LRRC2: variants seen among roughly 807,000 people sequenced by gnomAD.
LRRC2 encodes leucine-rich repeat-containing protein 2.
Under a neutral mutation model 40.2 loss-of-function variants are expected in LRRC2, and 27 were observed. The ratio of observed to expected loss-of-function variants is 0.67; its 90% confidence interval spans 0.49 to 0.93. LRRC2 has a LOEUF of 0.93. Ranked by LOEUF, LRRC2 falls within the 40% of genes least tolerant of loss-of-function variation. LRRC2 has a pLI of 0.00. For synonymous variants in LRRC2, 147 were observed against 158.9 expected (o/e 0.92, Z 0.56); for missense variants, 402 against 439.6 (o/e 0.91, Z 0.76).
chr3:46,528,181 T>G (rs1000498215), intron 6 of LRRC2, among the ~76,000 whole-genome samples: 3 of 152,212 alleles, frequency 2.0e-5, no homozygotes, highest in Non-Finnish European at 4.4e-5. Flanking sequence ...CATCAGTATG[T>G]CCCTTCCGAG....
intron 1 of LRRC2, among the ~76,000 whole-genome samples, chr3:46,553,008 T>A (rs765461273): frequency 6.6e-6 from 1 of 152,262 alleles, no homozygotes; most frequent in Non-Finnish European, 1.5e-5. Flanking sequence ...CCTAGTATAG[T>A]GCCTTGCACA....
intron 3 of LRRC2, 45 bp downstream of exon 3, chr3:46,545,001 T>G: frequency 6.4e-7 from 1 of 1,561,496 alleles, no homozygotes; most frequent in African/African-American, 1.4e-5. Context: ...CGAGCAGCAG[T>G]CATCGACCAC....
At chr3:46,532,973 C>A in intron 4 of LRRC2, 64 bp from the exon 5 acceptor site, 7 of 1,523,336 alleles carry the variant, frequency 4.6e-6, no homozygotes, top group Middle Eastern at 3.6e-4. Context: ...GAACAAAAAG[C>A]AAAACTAAGA....
intron 3 of LRRC2, among the ~76,000 whole-genome samples, chr3:46,543,650 A>AATAATAATAAT (rs1237863381): frequency 8.6e-5 from 4 of 46,340 alleles, no homozygotes; most frequent in South Asian, 5.5e-4. Context: ...TAATAATAAT[A>AATAATAATAAT]AATAATAAAT....
chr3:46,525,669 A>G (rs1364153812), intron 7 of LRRC2, among the ~76,000 whole-genome samples: 3 of 152,178 alleles, frequency 2.0e-5, no homozygotes, highest in Non-Finnish European at 4.4e-5. Flanking sequence ...CAAGCTCCAA[A>G]AAAGAAATTC....
chr3:46,533,750 T>TTCC (rs1440429682), intron 4 of LRRC2, among the ~76,000 whole-genome samples: 26,449 of 109,356 alleles, frequency 0.24, 2,830 homozygotes, highest in Middle Eastern at 0.31. Context: ...TCCTTCCTTC[T>TTCC]TCCTTCCCTC....
In LRRC2 at chr3:46,566,215, C is replaced by T. The variant is rs942987413; in HGVS notation, c.-58G>A. ...CGGGCACTGACAGTCCTGGCCTGCCCGCCGCGGCTGTTTACACCGCAGAGG... is the reference window on the plus strand; with the variant it reads ...CGGGCACTGACAGTCCTGGCCTGCCTGCCGCGGCTGTTTACACCGCAGAGG... On this transcript the variant is annotated 5_prime_UTR_variant, in exon 1 of 9. Coordinates refer to ENST00000395905, the MANE Select transcript of LRRC2 (RefSeq NM_024512.5). 2 of 152,278 alleles carry T rather than the reference C, an allele frequency of 1.3e-5. No individual in the cohort carries two copies. Among genetic ancestry groups the T allele is most frequent in the Non-Finnish European group, 2.9e-5 (2 of 68,088 alleles). The allele number at this position is 152,278 out of a possible 1,614,324, so 9.4% of individuals were successfully genotyped here.
In LRRC2 at chr3:46,545,034, G is replaced by A. The variant is rs758701267; in HGVS notation, c.333+12C>T. ...CACAGCACTGCATTGGGCGAGAACT[G>A]CCTCGACTCACCGTCCAGTGCTCCC... On this transcript the variant is annotated intron_variant, in intron 3 of 8. Transcript: ENST00000395905. 1.2e-5 allele frequency: 19 copies of A among 1,611,262 alleles called. No homozygotes were observed. Among genetic ancestry groups the A allele is most frequent in the Non-Finnish European group, 1.6e-5 (19 of 1,179,030 alleles).
chr3:46,533,426 G>A (rs1379025056), intron 4 of LRRC2, among the ~76,000 whole-genome samples: 1 of 152,142 alleles, frequency 6.6e-6, no homozygotes, highest in African/African-American at 2.4e-5. Flanking sequence ...TTTAAATACA[G>A]ATTCTCCCTA....
At chr3:46,529,818 C>CATACATGTTCAA (rs1443435476) in intron 6 of LRRC2, 87 bp downstream of exon 6, 1 of 1,360,850 alleles carries the variant, frequency 7.3e-7, no homozygotes, top group African/African-American at 1.4e-5. Flanking sequence ...AAAGAACATT[C>CATACATGTTCAA]ATGTACTATA....
At chr3:46,565,193 C>G (rs893059178) in intron 1 of LRRC2, among the ~76,000 whole-genome samples, 2 of 152,158 alleles carry the variant, frequency 1.3e-5, no homozygotes, top group Non-Finnish European at 2.9e-5. Flanking sequence ...AGGGTCCAGA[C>G]GGGATTAAGA....
At chr3:46,561,494 A>T (rs1380331834) in intron 1 of LRRC2, among the ~76,000 whole-genome samples, 1 of 152,210 alleles carries the variant, frequency 6.6e-6, no homozygotes, top group African/African-American at 2.4e-5. Context: ...CAGATGTTGC[A>T]GTGAGCTGAG....
chr3:46,547,675 A>AT (rs1331435007), intron 2 of LRRC2, among the ~76,000 whole-genome samples: 3 of 123,718 alleles, frequency 2.4e-5, no homozygotes, highest in African/African-American at 9.0e-5. Context: ...CAAGAAAAAA[A>AT]AAAATATATA....
intron 2 of LRRC2, among the ~76,000 whole-genome samples, chr3:46,547,339 A>G (rs1209725582): frequency 6.6e-6 from 1 of 152,174 alleles, no homozygotes; most frequent in African/African-American, 2.4e-5. Context: ...TCAGGGCTTC[A>G]GGATCTACAT....
At chr3:46,522,114 C>T (rs1559407823) in intron 7 of LRRC2, among the ~76,000 whole-genome samples, 1 of 152,148 alleles carries the variant, frequency 6.6e-6, no homozygotes. Context: ...GTGGCTCACT[C>T]CTGTAATCCC....
intron 1 of LRRC2, among the ~76,000 whole-genome samples, chr3:46,562,660 A>G (rs1268294217): frequency 6.6e-6 from 1 of 151,984 alleles, no homozygotes; most frequent in Non-Finnish European, 1.5e-5. Flanking sequence ...GAGTTTGTCC[A>G]TCCTAGGCCT....
rs560186315 is a variant in LRRC2, at chr3:46,528,433, C to T, written c.774-852G>A. Among the ~76,000 whole-genome samples the T allele has an allele frequency of 2.0e-5, 3 of 152,194 alleles. No individual in the cohort carries two copies. In the South Asian group the frequency reaches 6.2e-4, roughly 32 times the overall value. On this transcript the variant is annotated intron_variant, in intron 6 of 8. Coordinates refer to ENST00000395905, the MANE Select transcript of LRRC2 (RefSeq NM_024512.5). The stretch of plus-strand genomic sequence containing the variant: ...GGCAAGAGCCACTGTGCCCAGCCTC[C>T]TCTTGTATATCTTTAAACCCCAGTT...
In LRRC2 at chr3:46,527,458, T is replaced by A; in HGVS notation, c.897A>T (p.Pro299=). Residue 299 remains proline (P), a synonymous_variant, in exon 7 of 9, where the codon CCA becomes CCT. Coordinates refer to ENST00000395905, the MANE Select transcript of LRRC2 (RefSeq NM_024512.5). The part of the protein sequence containing the change: ...VVSGDHLVEL[P]TALCDSSTPL... ...GTGTGGATGAGTCACAAAGGGCAGT[T>A]GGGAGCTCCACCAAATGGTCCCCAC... 3 of 1,613,920 alleles carry A rather than the reference T, an allele frequency of 1.9e-6. No homozygotes were observed. In the South Asian group the frequency reaches 3.3e-5, roughly 18 times the overall value.
At chr3:46,559,040 A>G (rs1423851983) in intron 1 of LRRC2, 1 of 152,254 alleles carries the variant, frequency 6.6e-6, no homozygotes, top group African/African-American at 2.4e-5. Flanking sequence ...AAAGTATTGC[A>G]TATTTCAAAA....
Sources: allele counts gnomAD v4.1 joint callset (sites outside exome capture counted in the v4.1 genomes callset), GRCh38; gene constraint gnomAD v4.1.1; transcripts MANE v1.5; gene names NCBI Gene and HGNC (gene_info 2026-07-23, HGNC 2026-07-21).